Variants in TENM2 observed in about 807,000 individuals in gnomAD.
The protein encoded by TENM2 is teneurin transmembrane protein 2, also known as teneurin-2.
Under a neutral mutation model 245.2 loss-of-function variants are expected in TENM2, and 52 were observed. That is an observed-to-expected ratio of 0.21 (90% CI 0.17 to 0.27). The LOEUF (loss-of-function observed/expected upper bound fraction) is 0.27. TENM2 is among the 10% of genes least tolerant of loss of function. TENM2 has a pLI of 1.00. For missense variants in TENM2, 3,046 were observed against 3,666.8 expected, an observed-to-expected ratio of 0.83 and a Z score of 4.37; for synonymous variants, 1,363 against 1,438.9, an observed-to-expected ratio of 0.95 and a Z score of 1.19.
chr5:167,394,248 T>C (rs962496296), intron 2 of TENM2, among the ~76,000 whole-genome samples: 1 of 152,150 alleles, frequency 6.6e-6, no homozygotes, highest in Non-Finnish European at 1.5e-5. Flanking sequence ...AGATTCACAG[T>C]TTCAGGTCTT....
the TENM2 span, among the ~76,000 whole-genome samples, chr5:167,153,083 C>T: frequency 6.7e-6 from 1 of 148,712 alleles, no homozygotes; most frequent in Non-Finnish European, 1.5e-5. Flanking sequence ...CTGGCCATCA[C>T]AATCAATGAA....
intron 19 of TENM2, among the ~76,000 whole-genome samples, 185 bp downstream of exon 21, chr5:168,204,806 C>T (rs1762223002): frequency 6.6e-6 from 1 of 152,202 alleles, no homozygotes; most frequent in African/African-American, 2.4e-5. Context: ...AAAAACCATA[C>T]ACAGATTTGA....
chr5:167,393,264 A>T (rs1383435369), intron 2 of TENM2, among the ~76,000 whole-genome samples: 1 of 152,120 alleles, frequency 6.6e-6, no homozygotes, highest in African/African-American at 2.4e-5. Context: ...AAACTATGCT[A>T]TGTAGTGATA....
chr5:167,059,526 C>T, the TENM2 span, among the ~76,000 whole-genome samples: 1 of 152,062 alleles, frequency 6.6e-6, no homozygotes, highest in Non-Finnish European at 1.5e-5. Context: ...AAACAATGTC[C>T]TTATGTAGAA....
the TENM2 span, among the ~76,000 whole-genome samples, chr5:167,170,376 A>T: frequency 6.6e-6 from 1 of 152,188 alleles, no homozygotes; most frequent in African/African-American, 2.4e-5. Context: ...GGTATGGTGT[A>T]TGTGTGTGTG....
chr5:167,880,235 G>C (rs1002915931), intron 3 of TENM2, among the ~76,000 whole-genome samples: 4 of 151,920 alleles, frequency 2.6e-5, no homozygotes, highest in Non-Finnish European at 5.9e-5. Context: ...GTTTCACCAT[G>C]TTGGCCAGGC....
chr5:167,014,473 T>C, the TENM2 span, among the ~76,000 whole-genome samples: 3 of 151,956 alleles, frequency 2.0e-5, no homozygotes, highest in Non-Finnish European at 4.4e-5. Flanking sequence ...AGTAGTTCCC[T>C]GTTAACATAG....
chr5:167,705,979 ATATATATATATATT>A (rs201505361), intron 2 of TENM2, among the ~76,000 whole-genome samples: 9,075 of 117,920 alleles, frequency 0.077, 566 homozygotes, highest in East Asian at 0.33. Context: ...ATATATATAT[ATATATATATATATT>A]TATTTATTTA....
intron 2 of TENM2, among the ~76,000 whole-genome samples, chr5:167,743,123 T>G (rs1582890592): frequency 6.6e-6 from 1 of 152,300 alleles, no homozygotes; most frequent in East Asian, 1.9e-4. Context: ...TCTTTTGTCT[T>G]TTAGTATAAG....
At chr5:167,926,200 A>G (rs769902103) in intron 3 of TENM2, among the ~76,000 whole-genome samples, 14 of 152,144 alleles carry the variant, frequency 9.2e-5, no homozygotes, top group Non-Finnish European at 1.9e-4. Context: ...GGAAAGAAAG[A>G]CCCACGTAAA....
At chr5:167,204,530 C>T in the TENM2 span, among the ~76,000 whole-genome samples, 4 of 152,244 alleles carry the variant, frequency 2.6e-5, no homozygotes, top group Non-Finnish European at 5.9e-5. Flanking sequence ...AAATCCTTAG[C>T]GGAATCCTGC....
At chr5:168,042,264 C>T (rs1447514711) in intron 5 of TENM2, among the ~76,000 whole-genome samples, 2 of 152,114 alleles carry the variant, frequency 1.3e-5, no homozygotes, top group Non-Finnish European at 2.9e-5. Context: ...AAAGGGAAAG[C>T]CCAATCTCCT....
intron 3 of TENM2, among the ~76,000 whole-genome samples, chr5:167,893,603 CA>C (rs754086983): frequency 5.3e-5 from 8 of 149,992 alleles, no homozygotes; most frequent in Non-Finnish European, 8.9e-5. Flanking sequence ...TCCGTTGCCA[CA>C]GGAAACAAAC....
At chr5:167,053,456 T>G in the TENM2 span, among the ~76,000 whole-genome samples, 41 of 152,192 alleles carry the variant, frequency 2.7e-4, no homozygotes, top group Non-Finnish European at 4.4e-5. Context: ...AATTGAGTGG[T>G]CACATATCCT....
intron 2 of TENM2, among the ~76,000 whole-genome samples, chr5:167,693,599 C>T (rs1757571259): frequency 2.0e-5 from 3 of 147,342 alleles, no homozygotes; most frequent in African/African-American, 7.6e-5. Context: ...GCTCCTCTCC[C>T]TCACTGTTAC....
At chr5:167,499,883 T>A (rs2127554829) in intron 2 of TENM2, among the ~76,000 whole-genome samples, 1 of 151,086 alleles carries the variant, frequency 6.6e-6, no homozygotes, top group South Asian at 2.1e-4. Context: ...GGTATATGTG[T>A]GTGTGTGTAT....
chr5:167,334,611 CT>C (rs1350900093), intron 1 of TENM2, among the ~76,000 whole-genome samples: 3 of 151,842 alleles, frequency 2.0e-5, no homozygotes, highest in Non-Finnish European at 4.4e-5. Context: ...TTGTTTTTTC[CT>C]TCCTTTTTTC....
intron 3 of TENM2, among the ~76,000 whole-genome samples, chr5:167,928,709 C>T (rs561663998): frequency 3.1e-3 from 473 of 151,458 alleles, no homozygotes; most frequent in African/African-American, 0.011. Context: ...GCCTGGCAAA[C>T]GTGGTGAAAC....
chr5:167,546,325 A>G (rs1028750680), intron 2 of TENM2, among the ~76,000 whole-genome samples: 20 of 152,292 alleles, frequency 1.3e-4, no homozygotes, highest in African/African-American at 4.8e-4. Context: ...CCTGACTTTC[A>G]AATTATTCCT....
Sources: gnomAD v4.1 joint callset for allele counts (sites outside exome capture counted in the v4.1 genomes callset) on GRCh38, gnomAD v4.1.1 for gene constraint, MANE v1.5 for transcripts, NCBI Gene and HGNC (gene_info 2026-07-23, HGNC 2026-07-21) for gene names.